GRID1: variants seen among roughly 807,000 people sequenced by gnomAD.
GRID1 encodes the protein glutamate receptor ionotropic, delta-1.
Under a neutral mutation model 98.0 loss-of-function variants are expected in GRID1, and 28 were observed. The ratio of observed to expected loss-of-function variants is 0.29; its 90% CI spans 0.21 to 0.39. The LOEUF (loss-of-function observed/expected upper bound fraction) is 0.39, where lower values mean the gene tolerates loss of function less well. Ranked by LOEUF, GRID1 falls within the 10% of genes least tolerant of loss-of-function variation. The probability of loss-of-function intolerance (pLI) is 1.00; values close to 1 mark genes in which losing one functional copy is unlikely to be tolerated. For synonymous variants in GRID1, 553 were observed against 538.5 expected (o/e 1.03, Z -0.37); for missense variants, 1,111 against 1,340.5 (o/e 0.83, Z 2.67).
intron 5 of GRID1, among the ~76,000 whole-genome samples, chr10:85,887,037 A>G (rs1480157714): frequency 6.6e-6 from 1 of 152,248 alleles, no homozygotes; most frequent in Non-Finnish European, 1.5e-5. Context: ...CCATGGTGTC[A>G]GTAATCTAAG....
At chr10:85,624,636 C>A (rs533634394) in intron 13 of GRID1, among the ~76,000 whole-genome samples, 71 of 152,252 alleles carry the variant, frequency 4.7e-4, no homozygotes, top group African/African-American at 1.6e-3. Flanking sequence ...ACATTTCTAG[C>A]GGTTTCTTAA....
At chr10:85,948,930 TTAAG>T (rs1310274501) in intron 4 of GRID1, among the ~76,000 whole-genome samples, 32 of 152,350 alleles carry the variant, frequency 2.1e-4, no homozygotes, top group African/African-American at 7.5e-4. Flanking sequence ...GTTTTTATTA[TTAAG>T]TATTAACTTT....
At chr10:85,618,426 TG>T (rs1842817698) in intron 14 of GRID1, among the ~76,000 whole-genome samples, 3 of 152,152 alleles carry the variant, frequency 2.0e-5, no homozygotes. Flanking sequence ...AACACCAACG[TG>T]TTATAAATCC....
chr10:85,869,793 AT>A (rs1199775335), intron 5 of GRID1, among the ~76,000 whole-genome samples: 1 of 152,148 alleles, frequency 6.6e-6, no homozygotes, highest in Non-Finnish European at 1.5e-5. Context: ...GCATCCTAGG[AT>A]GGATTATGCC....
chr10:85,642,433 G>C (rs922328971), intron 13 of GRID1, among the ~76,000 whole-genome samples: 1 of 152,202 alleles, frequency 6.6e-6, no homozygotes, highest in African/African-American at 2.4e-5. Context: ...AGACAAGCCT[G>C]ACAGGAACCC....
chr10:86,139,088 G>A, intron 3 of GRID1, 64 bp from the exon 4 acceptor site: 1 of 1,122,644 alleles, frequency 8.9e-7, no homozygotes, highest in South Asian at 1.3e-5. Flanking sequence ...ACCCGGGAGG[G>A]TGTCTAACTG....
At chr10:86,010,126 T>A (rs1375890860) in intron 4 of GRID1, among the ~76,000 whole-genome samples, 1 of 152,258 alleles carries the variant, frequency 6.6e-6, no homozygotes, top group Non-Finnish European at 1.5e-5. Context: ...GAAGCCATCC[T>A]TGACTGCCCC....
At chr10:86,004,673 T>C (rs1322528474) in intron 4 of GRID1, among the ~76,000 whole-genome samples, 1 of 152,112 alleles carries the variant, frequency 6.6e-6, no homozygotes, top group Non-Finnish European at 1.5e-5. Flanking sequence ...TCTCTGTAAT[T>C]GTGTGAGCCG....
intron 2 of GRID1, among the ~76,000 whole-genome samples, chr10:86,238,716 T>G (rs1337768814): frequency 6.6e-6 from 1 of 150,634 alleles, no homozygotes; most frequent in Non-Finnish European, 1.5e-5. Context: ...AGGTACAGCT[T>G]GGGCTTCAGA....
At chr10:86,118,528 C>T (rs936579999) in intron 4 of GRID1, among the ~76,000 whole-genome samples, 1 of 151,764 alleles carries the variant, frequency 6.6e-6, no homozygotes, top group African/African-American at 2.4e-5. Flanking sequence ...AAAGAATATC[C>T]CATGCTGAAG....
chr10:85,803,861 C>T (rs1188219970), intron 8 of GRID1, among the ~76,000 whole-genome samples: 1 of 151,760 alleles, frequency 6.6e-6, no homozygotes, highest in Non-Finnish European at 1.5e-5. Context: ...ATAATGCACA[C>T]TCAAATAGCA....
intron 3 of GRID1, among the ~76,000 whole-genome samples, chr10:86,140,367 C>T (rs1158216125): frequency 6.6e-6 from 1 of 152,260 alleles, no homozygotes; most frequent in Non-Finnish European, 1.5e-5. Context: ...TTAGTTCCAC[C>T]AGGGTTTGTT....
intron 2 of GRID1, among the ~76,000 whole-genome samples, chr10:86,265,189 G>C (rs1847085559): frequency 6.6e-6 from 1 of 152,074 alleles, no homozygotes; most frequent in African/African-American, 2.4e-5. Flanking sequence ...CCCACCTCAG[G>C]CATGGTTCCA....
intron 4 of GRID1, among the ~76,000 whole-genome samples, chr10:85,956,386 G>T (rs1198041431): frequency 6.6e-6 from 1 of 152,234 alleles, no homozygotes; most frequent in Admixed American, 6.5e-5. Context: ...CTCTCTTCTG[G>T]AAACTTATAA....
At chr10:86,242,928 C>T (rs1179434095) in intron 2 of GRID1, among the ~76,000 whole-genome samples, 1 of 152,188 alleles carries the variant, frequency 6.6e-6, no homozygotes, top group Non-Finnish European at 1.5e-5. Flanking sequence ...ATCAGCTCCT[C>T]ACCCAGCCCC....
intron 5 of GRID1, among the ~76,000 whole-genome samples, chr10:85,878,544 A>G (rs1001770456): frequency 1.3e-5 from 2 of 152,172 alleles, no homozygotes; most frequent in Non-Finnish European, 2.9e-5. Context: ...AAGGAGAAAT[A>G]AAATACTTTA....
intron 8 of GRID1, among the ~76,000 whole-genome samples, chr10:85,833,873 T>A (rs984224941): frequency 6.6e-6 from 1 of 152,238 alleles, no homozygotes; most frequent in African/African-American, 2.4e-5. Flanking sequence ...AGTGTTTAGA[T>A]AATAGAGGAT....
At chr10:86,123,183 G>A (rs1844703312) in intron 4 of GRID1, among the ~76,000 whole-genome samples, 1 of 152,152 alleles carries the variant, frequency 6.6e-6, no homozygotes, top group Non-Finnish European at 1.5e-5. Context: ...GGAGTCTACT[G>A]GGTCACAGGA....
At chr10:86,016,945 G>A (rs568103337) in intron 4 of GRID1, among the ~76,000 whole-genome samples, 2 of 152,316 alleles carry the variant, frequency 1.3e-5, no homozygotes, top group African/African-American at 4.8e-5. Flanking sequence ...AGTCTAGCAT[G>A]GCCTAAGTCA....
Sources: gnomAD v4.1 joint callset for allele counts (sites outside exome capture counted in the v4.1 genomes callset) on GRCh38, gnomAD v4.1.1 for gene constraint, MANE v1.5 for transcripts, NCBI Gene and HGNC (gene_info 2026-07-23, HGNC 2026-07-21) for gene names.